PDE3A: variants seen among roughly 807,000 people sequenced by gnomAD.
PDE3A encodes the protein cGMP-inhibited 3',5'-cyclic phosphodiesterase 3A.
In PDE3A, 43 loss-of-function variants were observed where a neutral mutation model predicts 98.3. The ratio of observed to expected loss-of-function variants is 0.44; its 90% CI spans 0.34 to 0.56. The LOEUF (loss-of-function observed/expected upper bound fraction) is 0.56, where lower values mean the gene tolerates loss of function less well. PDE3A is among the 20% of genes least tolerant of loss of function. The probability of loss-of-function intolerance (pLI) is 0.01; values close to 1 mark genes in which losing one functional copy is unlikely to be tolerated. For missense variants in PDE3A, 1,427 were observed against 1,440.7 expected, an observed-to-expected ratio of 0.99 and a Z score of 0.15; for synonymous variants, 663 against 567.9, an observed-to-expected ratio of 1.17 and a Z score of -2.38.
rs147612067 is a variant in PDE3A, at chr12:20,677,724, G to A, written c.3185-2306G>A. ...TCTGCCTGTCTCAGCCTTCCAAAGTGCTGAGATTACAGCCGATTTATTAAA... is the reference window on the plus strand; with the variant it reads ...TCTGCCTGTCTCAGCCTTCCAAAGTACTGAGATTACAGCCGATTTATTAAA... On this transcript the variant is annotated intron_variant, in intron 15 of 15. Coordinates refer to ENST00000359062, the MANE Select transcript of PDE3A (RefSeq NM_000921.5). 8.4e-3 allele frequency among the ~76,000 whole-genome samples: 1,280 copies of A among 152,292 alleles called. 10 individuals are homozygous for A. The highest frequency in any genetic ancestry group is 0.013 in the Non-Finnish European group (861 of 68,016).
chr12:20,552,520 G>C lies in PDE3A; in HGVS notation c.961-4140G>C. 6.2e-7 allele frequency: 1 copy of C among 1,613,100 alleles called. No individual in the cohort carries two copies. Among genetic ancestry groups the C allele is most frequent in the Non-Finnish European group, 8.5e-7 (1 of 1,179,540 alleles). On this transcript the variant is annotated intron_variant, in intron 1 of 15. Transcript: ENST00000359062. This position sits in a 1 kb window ranked among gnomAD's most constrained non-coding sequence, Gnocchi z 5.1. The stretch of plus-strand genomic sequence containing the variant: ...GGAGAACAGCAAGAGGGAGGAGGAG[G>C]AGCAGCAGGAGGGGGGCTTCGCGTC...
chr12:20,667,835 C>T lies in PDE3A; in HGVS notation c.3185-12195C>T, dbSNP rs191975039. On this transcript the variant is annotated intron_variant, in intron 15 of 15. Transcript: ENST00000359062. Reference sequence around the variant, plus strand: ...ATTGGTATTTTAAAAATAAAGATTGCGGGGGAGGAGCCAAGATGGCCGAAC... The same window carrying T: ...ATTGGTATTTTAAAAATAAAGATTGTGGGGGAGGAGCCAAGATGGCCGAAC... Among the ~76,000 whole-genome samples the T allele has an allele frequency of 4.8e-3, 729 of 152,050 alleles. 6 individuals carry two copies. Among genetic ancestry groups the T allele is most frequent in the African/African-American group, 0.016 (676 of 41,486 alleles).
At chr12:20,376,704 T>A (rs3919734) in intron 1 of PDE3A, among the ~76,000 whole-genome samples, 1 of 151,678 alleles carries the variant, frequency 6.6e-6, no homozygotes, top group Non-Finnish European at 1.5e-5. Context: ...CTGCAGATTG[T>A]TAAGGCATTT....
chr12:20,370,112 T>G lies in PDE3A; in HGVS notation c.828T>G (p.Ile276Met). 1 of 1,613,110 alleles carries G rather than the reference T, an allele frequency of 6.2e-7. No individual in the cohort carries two copies. Among genetic ancestry groups the G allele is most frequent in the Non-Finnish European group, 8.5e-7 (1 of 1,179,740 alleles). ...APREHLGSQL[I>M]AGTKEDIPVF... The stretch of plus-strand genomic sequence containing the variant: ...GGGAGCATTTGGGGTCCCAGCTGAT[T>G]GCTGGGACCAAGGAAGATATCCCGG... The change falls in exon 1 of 16, where the codon ATT becomes ATG. Residue 276 changes from isoleucine to methionine, a missense_variant. Ile to Met is a conservative substitution (Grantham distance 10). Around this residue, in one of 3 missense-constraint regions of PDE3A, gnomAD observed 1,012 missense variants for 886.5 expected, o/e 1.14. Coordinates refer to ENST00000359062, the MANE Select transcript of PDE3A (RefSeq NM_000921.5).
intron 1 of PDE3A, among the ~76,000 whole-genome samples, chr12:20,439,626 G>A (rs1025923586): frequency 6.6e-6 from 1 of 152,066 alleles, no homozygotes; most frequent in Admixed American, 6.6e-5. Flanking sequence ...GAGCAAAATG[G>A]GTGTCTGCTA....
chr12:20,446,649 C>T (rs1438315615), intron 1 of PDE3A, among the ~76,000 whole-genome samples: 1 of 152,126 alleles, frequency 6.6e-6, no homozygotes, highest in Non-Finnish European at 1.5e-5. Flanking sequence ...CTACCCTAAG[C>T]ATTTAGAATT....
At chr12:20,393,482 G>T (rs1943955429) in intron 1 of PDE3A, among the ~76,000 whole-genome samples, 1 of 151,958 alleles carries the variant, frequency 6.6e-6, no homozygotes, top group South Asian at 2.1e-4. Flanking sequence ...TAAGATTTGG[G>T]TGGGGACACA....
At position 20,682,544 on chromosome 12, in the gene PDE3A, C is replaced by T. The variant is rs1945819084; in HGVS notation, c.*2273C>T. 1 of 152,132 alleles carries T rather than the reference C, an allele frequency of 6.6e-6. No homozygotes were observed. Among genetic ancestry groups the T allele is most frequent in the Non-Finnish European group, 1.5e-5 (1 of 68,022 alleles). 9.4% of individuals were successfully genotyped at this position (152,132 alleles called of 1,614,324 possible). On this transcript the variant is annotated 3_prime_UTR_variant, in exon 16 of 16. Coordinates refer to ENST00000359062, the MANE Select transcript of PDE3A (RefSeq NM_000921.5). The stretch of plus-strand genomic sequence containing the variant: ...AAGGATCAAGTGGATGCAGCCTCTA[C>T]CTAAATAATTAAAATATATTTCAGT...
chr12:20,607,346 A>C (rs1261859408), intron 2 of PDE3A, among the ~76,000 whole-genome samples: 1 of 150,448 alleles, frequency 6.6e-6, no homozygotes, highest in African/African-American at 2.4e-5. Flanking sequence ...CTGAGGTTGG[A>C]GGATTACTTG....
At chr12:20,444,079 A>G (rs905345849) in intron 1 of PDE3A, among the ~76,000 whole-genome samples, 2 of 152,186 alleles carry the variant, frequency 1.3e-5, no homozygotes, top group Non-Finnish European at 2.9e-5. Flanking sequence ...TTGATTTCCT[A>G]TTCATAGTAG....
chr12:20,403,945 A>G (rs1289178841), intron 1 of PDE3A, among the ~76,000 whole-genome samples: 1 of 152,050 alleles, frequency 6.6e-6, no homozygotes, highest in Non-Finnish European at 1.5e-5. Flanking sequence ...CAAACTCTAT[A>G]ATTTAGTTAC....
chr12:20,500,357 T>TATG (rs1346937845), intron 1 of PDE3A, among the ~76,000 whole-genome samples: 60 of 152,300 alleles, frequency 3.9e-4, no homozygotes, highest in African/African-American at 1.4e-3. Context: ...TGTCTATTAT[T>TATG]TTTAACTGAT....
At chr12:20,624,362 C>A (rs565439962) in intron 5 of PDE3A, among the ~76,000 whole-genome samples, 26 of 152,224 alleles carry the variant, frequency 1.7e-4, no homozygotes, top group African/African-American at 5.3e-4. Flanking sequence ...ATGGTTAGGG[C>A]AGACCCTGGA....
chr12:20,615,838 G>T (rs1192862805), intron 3 of PDE3A, among the ~76,000 whole-genome samples: 2 of 151,974 alleles, frequency 1.3e-5, no homozygotes, highest in Non-Finnish European at 2.9e-5. Flanking sequence ...TGACTCTCCT[G>T]CCTCAGCCTC....
At position 20,612,409 on chromosome 12, in the gene PDE3A, A is replaced by G. The variant is rs79825662; in HGVS notation, c.1012-1034A>G. On this transcript the variant is annotated intron_variant, in intron 2 of 15. Coordinates refer to ENST00000359062, the MANE Select transcript of PDE3A (RefSeq NM_000921.5). ...TCACAGACCATTTCCTCCTTTGCTT[A>G]TGGTATATTTTCTTATGTAGAAGTT... Among the ~76,000 whole-genome samples, 1,396 of 151,082 alleles carry G rather than the reference A, an allele frequency of 9.2e-3. 10 individuals are homozygous for G. The highest frequency in any genetic ancestry group is 0.017 in the Non-Finnish European group (1,133 of 67,612).
chr12:20,668,320 G>T (rs1945375983), intron 15 of PDE3A, among the ~76,000 whole-genome samples: 1 of 152,218 alleles, frequency 6.6e-6, no homozygotes, highest in Non-Finnish European at 1.5e-5. Context: ...AAAGCAGCCA[G>T]GAAGCTCGAA....
At chr12:20,500,142 T>C (rs1945996082) in intron 1 of PDE3A, among the ~76,000 whole-genome samples, 1 of 152,144 alleles carries the variant, frequency 6.6e-6, no homozygotes, top group Non-Finnish European at 1.5e-5. Context: ...CTCAAACTTA[T>C]TAGTTATTGT....
intron 1 of PDE3A, among the ~76,000 whole-genome samples, chr12:20,531,187 C>T (rs1377793433): frequency 6.6e-6 from 1 of 152,112 alleles, no homozygotes; most frequent in Non-Finnish European, 1.5e-5. Context: ...CTAACCTCAG[C>T]AAAAGCTGGT....
At chr12:20,490,967 G>A (rs537109522) in intron 1 of PDE3A, among the ~76,000 whole-genome samples, 2 of 152,186 alleles carry the variant, frequency 1.3e-5, no homozygotes, top group African/African-American at 2.4e-5. Context: ...CAGATATGAC[G>A]GTATGTGCCT....
Sources: gnomAD v4.1 joint callset for allele counts (sites outside exome capture counted in the v4.1 genomes callset) on GRCh38, gnomAD v4.1.1 for gene constraint, gnomAD v4.1.1 regional missense constraint, Gnocchi (gnomAD v3.1) non-coding constraint, MANE v1.5 for transcripts, NCBI Gene and HGNC (gene_info 2026-07-23, HGNC 2026-07-21) for gene names.